The following SFXN5 variants were observed in gnomAD, a reference collection of about 807,000 sequenced individuals.
SFXN5 encodes the protein sideroflexin-5.
In SFXN5, 43 loss-of-function variants were observed where a neutral mutation model predicts 50.2. That is an observed-to-expected ratio of 0.86 (90% CI 0.67 to 1.11). SFXN5 has a LOEUF of 1.11. Ranked by LOEUF, SFXN5 falls within the 50% of genes least tolerant of loss-of-function variation. The pLI is 0.00. For missense variants in SFXN5, 463 were observed against 454.1 expected, an observed-to-expected ratio of 1.02 and a Z score of -0.18; for synonymous variants, 203 against 185.8, an observed-to-expected ratio of 1.09 and a Z score of -0.75.
chr2:73,047,278 A>ACC (rs1680580632), intron 2 of SFXN5, among the ~76,000 whole-genome samples: 1 of 79,124 alleles, frequency 1.3e-5, no homozygotes, highest in Non-Finnish European at 2.3e-5. Flanking sequence ...ATATATATAC[A>ACC]CACATATATA....
chr2:73,071,518 C>G, intron 1 of SFXN5, 86 bp downstream of exon 1: 1 of 1,317,600 alleles, frequency 7.6e-7, no homozygotes, highest in Non-Finnish European at 1.1e-6. Flanking sequence ...GGTGGGAGAC[C>G]CTTGGGCGGA....
chr2:73,012,338 T>C (rs1675610290), intron 6 of SFXN5, among the ~76,000 whole-genome samples: 1 of 152,170 alleles, frequency 6.6e-6, no homozygotes, highest in Non-Finnish European at 1.5e-5. Flanking sequence ...AAATATTCTT[T>C]ATAAAACATT....
At chr2:72,965,256 T>C (rs994094504) in intron 12 of SFXN5, among the ~76,000 whole-genome samples, 2 of 152,106 alleles carry the variant, frequency 1.3e-5, no homozygotes, top group African/African-American at 4.8e-5. Flanking sequence ...GATGCGGAGT[T>C]TGGCTGGGGC....
chr2:72,968,376 G>A, intron 12 of SFXN5, 72 bp downstream of exon 12: 1 of 1,443,744 alleles, frequency 6.9e-7, no homozygotes, highest in East Asian at 2.4e-5. Flanking sequence ...TCTTGCCTGG[G>A]CCAGCCGGTT....
At chr2:72,997,955 G>T (rs186503630) in intron 9 of SFXN5, 6 of 152,166 alleles carry the variant, frequency 3.9e-5, no homozygotes, top group African/African-American at 1.4e-4. Flanking sequence ...GCTGTTCACA[G>T]CTGCAATCAT....
chr2:72,963,011 C>G, intron 12 of SFXN5, among the ~76,000 whole-genome samples: 1 of 152,260 alleles, frequency 6.6e-6, no homozygotes, highest in East Asian at 1.9e-4. Flanking sequence ...CCTTAGGGGT[C>G]GTGGAGGGGC....
At chr2:72,962,152 G>A (rs1673822361) in intron 12 of SFXN5, among the ~76,000 whole-genome samples, 1 of 152,238 alleles carries the variant, frequency 6.6e-6, no homozygotes, top group African/African-American at 2.4e-5. Context: ...TTCCACCTGG[G>A]GAGGCCTGGG....
At position 72,998,625 on chromosome 2, in the gene SFXN5, C is replaced by T. The variant is rs138344128; in HGVS notation, c.534+324G>A. 507 of 344,058 alleles carry T rather than the reference C, an allele frequency of 1.5e-3. 1 individual carries two copies. Among genetic ancestry groups the T allele is most frequent in the African/African-American group, 0.01 (479 of 47,760 alleles). The allele number at this position is 344,058 out of a possible 1,614,324, so 21.3% of individuals were successfully genotyped here. On this transcript the variant is annotated intron_variant, in intron 9 of 13. Transcript: ENST00000272433. ...CATCCCCCCACCCCGCTCGCTCCAG[C>T]CACGTTACCGAGCATGAGGAGCAGC...
intron 9 of SFXN5, among the ~76,000 whole-genome samples, chr2:72,996,288 G>A (rs947555984): frequency 1.3e-5 from 2 of 152,102 alleles, no homozygotes; most frequent in Non-Finnish European, 2.9e-5. Flanking sequence ...GCACAGCCCC[G>A]CGTGAGGCCC....
At position 73,050,392 on chromosome 2, in the gene SFXN5, GCACACACA is replaced by G. The variant is rs35090808; in HGVS notation, c.171+8128_171+8135del. The stretch of plus-strand genomic sequence containing the variant: ...AGGTAGCGCCGCAGCCACAGCGCAC[GCACACACA>G]CACACACACACACACACACACCCCT... On this transcript the variant is annotated intron_variant, in intron 2 of 13. Coordinates refer to ENST00000272433, the MANE Select transcript of SFXN5 (RefSeq NM_144579.3). Among the ~76,000 whole-genome samples, 7 of 146,610 alleles carry G rather than the reference GCACACACA, an allele frequency of 4.8e-5. No homozygotes were observed. In the East Asian group the frequency reaches 1.0e-3, roughly 21 times the overall value.
chr2:72,960,851 C>CGAA lies in SFXN5; in HGVS notation c.945+279_945+280insTTC, dbSNP rs1371125850. 2.0e-5 allele frequency among the ~76,000 whole-genome samples: 3 copies of CGAA among 152,200 alleles called. No homozygotes were observed. The highest frequency in any genetic ancestry group is 4.4e-5 in the Non-Finnish European group (3 of 68,036). ...CGCTCCCAGTCCCAGTGAAATGTCA[C>CGAA]TTCCCTCTAGGCTCAGTTTGGTCTG... On this transcript the variant is annotated intron_variant, in intron 13 of 13. Transcript: ENST00000272433. The surrounding 1 kb of genome is among the most constrained non-coding windows in gnomAD (Gnocchi z 6.1).
chr2:73,022,831 A>G (rs940807407), intron 4 of SFXN5, among the ~76,000 whole-genome samples: 2 of 152,222 alleles, frequency 1.3e-5, no homozygotes, highest in Admixed American at 6.5e-5. Context: ...GACTTACCCT[A>G]AAAGCTGAAT....
intron 10 of SFXN5, 79 bp downstream of exon 10, chr2:72,988,179 G>A: frequency 1.5e-6 from 2 of 1,329,824 alleles, no homozygotes; most frequent in South Asian, 1.3e-5. Flanking sequence ...AGGTGTGGAA[G>A]GGTCATCTGT....
intron 1 of SFXN5, among the ~76,000 whole-genome samples, chr2:73,067,386 G>A (rs1287973120): frequency 6.6e-6 from 1 of 152,062 alleles, no homozygotes; most frequent in Non-Finnish European, 1.5e-5. Context: ...AGACATTAGT[G>A]TAAAAAAAAG....
At chr2:72,970,876 C>T (rs574508516) in intron 11 of SFXN5, among the ~76,000 whole-genome samples, 6 of 152,004 alleles carry the variant, frequency 3.9e-5, no homozygotes, top group Admixed American at 6.6e-5. Flanking sequence ...TTAGTAGAGA[C>T]GGGGTTTTGC....
At chr2:73,029,024 G>A (rs895236052) in intron 3 of SFXN5, among the ~76,000 whole-genome samples, 2 of 152,180 alleles carry the variant, frequency 1.3e-5, no homozygotes, top group South Asian at 4.1e-4. Flanking sequence ...ACACAGCTAA[G>A]CCTATGATTC....
At chr2:72,999,120 G>T in intron 8 of SFXN5, 106 bp from the exon 9 acceptor site, 1 of 1,226,264 alleles carries the variant, frequency 8.2e-7, no homozygotes. Context: ...CACCAGCCTG[G>T]AAAGTGGGTA....
At chr2:72,996,227 G>A (rs1237612783) in intron 9 of SFXN5, among the ~76,000 whole-genome samples, 1 of 152,154 alleles carries the variant, frequency 6.6e-6, no homozygotes. Flanking sequence ...AAAGCCTTTC[G>A]AGGGGTGCTG....
intron 2 of SFXN5, among the ~76,000 whole-genome samples, chr2:73,047,338 T>TAAA (rs1680627527): frequency 7.2e-6 from 1 of 139,472 alleles, no homozygotes; most frequent in South Asian, 2.2e-4. Flanking sequence ...TGTGTATATA[T>TAAA]ATGTACATAT....
Sources: allele counts gnomAD v4.1 joint callset (sites outside exome capture counted in the v4.1 genomes callset), GRCh38; gene constraint gnomAD v4.1.1; non-coding constraint Gnocchi (gnomAD v3.1); transcripts MANE v1.5; gene names NCBI Gene and HGNC (gene_info 2026-07-23, HGNC 2026-07-21).